Variants in PTPRM observed in about 807,000 individuals in gnomAD.
The protein encoded by PTPRM is receptor-type tyrosine-protein phosphatase mu.
In PTPRM, 47 loss-of-function variants were observed where a neutral mutation model predicts 186.7. That is an observed-to-expected ratio of 0.25 (90% CI 0.20 to 0.32). The LOEUF is 0.32. Among genes scored for constraint, PTPRM ranks in the 10% least tolerant of loss-of-function variants. PTPRM has a pLI of 1.00. For missense variants in PTPRM, 1,494 were observed against 1,865.0 expected (o/e 0.80, Z 3.66); for synonymous variants, 668 against 674.9 (o/e 0.99, Z 0.16).
intron 7 of PTPRM, among the ~76,000 whole-genome samples, chr18:7,978,569 C>T (rs963147885): frequency 3.9e-5 from 6 of 152,162 alleles, no homozygotes; most frequent in African/African-American, 1.4e-4. Context: ...GTGAGCCTGC[C>T]ATGCTAACTT....
chr18:8,096,831 C>G (rs966094820), intron 11 of PTPRM, among the ~76,000 whole-genome samples: 1 of 152,162 alleles, frequency 6.6e-6, no homozygotes, highest in East Asian at 1.9e-4. Context: ...ACTATAGATG[C>G]CTCACTTTCA....
Position 8,085,520 on chromosome 18 carries a change from A to C in PTPRM, c.1552-151A>C. 3 of 682,682 alleles carry C rather than the reference A, an allele frequency of 4.4e-6. No homozygotes were observed. In the South Asian group the frequency reaches 5.7e-5, roughly 13 times the overall value. The allele number at this position is 682,682 out of a possible 1,614,324, so 42.3% of individuals were successfully genotyped here. On this transcript the variant is annotated intron_variant, in intron 9 of 32. Coordinates refer to ENST00000580170, the MANE Select transcript of PTPRM (RefSeq NM_001105244.2). ...TCAGCAGCTTTGGCGGAGTTCCTTCATCCCTTCAGTGGATTCAGGATTTCA... is the reference window on the plus strand; with the variant it reads ...TCAGCAGCTTTGGCGGAGTTCCTTCCTCCCTTCAGTGGATTCAGGATTTCA...
Position 8,172,778 on chromosome 18 carries a change from C to G in PTPRM, c.2300+28999C>G, listed in dbSNP as rs16952985. Among the ~76,000 whole-genome samples, 922 of 152,130 alleles carry G rather than the reference C, an allele frequency of 6.1e-3. 4 individuals are homozygous for G. Among genetic ancestry groups the G allele is most frequent in the African/African-American group, 0.021 (885 of 41,510 alleles). Reference sequence around the variant, plus strand: ...AAGAAAATTGCAGGGAAACCCAAATCTGTGGTCCTGATTCTGCTGTTGCTT... The same window carrying G: ...AAGAAAATTGCAGGGAAACCCAAATGTGTGGTCCTGATTCTGCTGTTGCTT... On this transcript the variant is annotated intron_variant, in intron 14 of 32. Coordinates refer to ENST00000580170, the MANE Select transcript of PTPRM (RefSeq NM_001105244.2).
intron 14 of PTPRM, among the ~76,000 whole-genome samples, chr18:8,237,774 G>T (rs7507039): frequency 0.25 from 37,864 of 151,942 alleles, 5,534 homozygotes; most frequent in African/African-American, 0.41. Flanking sequence ...ATTTGAGAAA[G>T]TCTTTGTTTT....
At chr18:8,087,064 C>G (rs1178099092) in intron 10 of PTPRM, among the ~76,000 whole-genome samples, 1 of 151,966 alleles carries the variant, frequency 6.6e-6, no homozygotes, top group Admixed American at 6.6e-5. Context: ...AATCTAGGTT[C>G]TAGTTATGAT....
rs547108075 is a variant in PTPRM at position 8,183,383 on chromosome 18, G to T, written c.2300+39604G>T. On this transcript the variant is annotated intron_variant, in intron 14 of 32. Coordinates refer to ENST00000580170, the MANE Select transcript of PTPRM (RefSeq NM_001105244.2). The stretch of plus-strand genomic sequence containing the variant: ...TGTTGCTCATAATATAATCAATCGG[G>T]AGAGACAAAAAAGAGGCAGGAAAGC... Among the ~76,000 whole-genome samples the T allele has an allele frequency of 2.0e-5, 3 of 152,126 alleles. No homozygotes were observed. The South Asian group carries it at 6.2e-4, about 32-fold the overall frequency.
chr18:8,112,228 T>C (rs1447848420), intron 11 of PTPRM, among the ~76,000 whole-genome samples: 1 of 152,248 alleles, frequency 6.6e-6, no homozygotes, highest in Non-Finnish European at 1.5e-5. Context: ...AACAATTGAT[T>C]TTTATTTAGA....
At chr18:8,047,459 A>G (rs960848857) in intron 7 of PTPRM, among the ~76,000 whole-genome samples, 1 of 152,210 alleles carries the variant, frequency 6.6e-6, no homozygotes, top group African/African-American at 2.4e-5. Flanking sequence ...ACCTACAAAA[A>G]TAGCAAATTT....
rs551687417 is a variant in PTPRM at position 7,919,733 on chromosome 18, G to A, written c.548-6835G>A. On this transcript the variant is annotated intron_variant, in intron 4 of 32. Transcript: ENST00000580170. Reference sequence around the variant, plus strand: ...TATAGACGTCAGTTATGACTATTTGGTGTAGCGTGTAGTTTAACTTTAATG... The same window carrying A: ...TATAGACGTCAGTTATGACTATTTGATGTAGCGTGTAGTTTAACTTTAATG... Among the ~76,000 whole-genome samples, 426 of 152,180 alleles carry A rather than the reference G, an allele frequency of 2.8e-3. 5 individuals are homozygous for A. Among genetic ancestry groups the A allele is most frequent in the African/African-American group, 9.8e-3 (406 of 41,544 alleles).
intron 14 of PTPRM, among the ~76,000 whole-genome samples, chr18:8,205,567 T>C (rs1224656499): frequency 6.6e-6 from 1 of 152,316 alleles, no homozygotes; most frequent in Non-Finnish European, 1.5e-5. Context: ...GTAATCCACA[T>C]ATAGTTATAT....
At chr18:7,576,477 A>T (rs2036689354) in intron 1 of PTPRM, among the ~76,000 whole-genome samples, 1 of 151,150 alleles carries the variant, frequency 6.6e-6, no homozygotes, top group African/African-American at 2.4e-5. Context: ...TGTTTTTTTG[A>T]TTTTTTTTTC....
intron 14 of PTPRM, among the ~76,000 whole-genome samples, chr18:8,223,626 T>C (rs2094180099): frequency 6.6e-6 from 1 of 152,126 alleles, no homozygotes; most frequent in African/African-American, 2.4e-5. Context: ...AGTTACATGA[T>C]TGAAAAAGAA....
chr18:7,887,502 C>T (rs1599296532), intron 2 of PTPRM, among the ~76,000 whole-genome samples: 1 of 152,260 alleles, frequency 6.6e-6, no homozygotes, highest in African/African-American at 2.4e-5. Context: ...GCAAGAGGAT[C>T]GTATTACATT....
intron 19 of PTPRM, among the ~76,000 whole-genome samples, chr18:8,253,923 C>CT (rs1455350641): frequency 6.6e-6 from 1 of 151,990 alleles, no homozygotes; most frequent in Non-Finnish European, 1.5e-5. Context: ...TTTTTTTTCC[C>CT]TTTTTTTCTT....
intron 16 of PTPRM, 67 bp from the exon 17 acceptor site, chr18:8,248,083 C>T: frequency 6.9e-7 from 1 of 1,438,972 alleles, no homozygotes; most frequent in East Asian, 2.3e-5. Context: ...GGTGGGCATT[C>T]ATCAATCATT....
intron 1 of PTPRM, among the ~76,000 whole-genome samples, chr18:7,693,125 G>A (rs2039769822): frequency 6.6e-6 from 1 of 152,180 alleles, no homozygotes; most frequent in African/African-American, 2.4e-5. Flanking sequence ...CTAGCAGGCC[G>A]AGTTGGACTG....
intron 22 of PTPRM, among the ~76,000 whole-genome samples, chr18:8,329,642 T>C (rs547445047): frequency 6.6e-6 from 1 of 152,362 alleles, no homozygotes; most frequent in South Asian, 2.1e-4. Flanking sequence ...CAAAGGTTTC[T>C]GTGCACCTGT....
chr18:7,947,156 A>G (rs2052587881), intron 5 of PTPRM, among the ~76,000 whole-genome samples: 1 of 152,200 alleles, frequency 6.6e-6, no homozygotes. Context: ...GTACTTTGAT[A>G]GCCGCTCTGC....
At chr18:7,955,517 C>G in intron 7 of PTPRM, 103 bp downstream of exon 7, 1 of 1,344,438 alleles carries the variant, frequency 7.4e-7, no homozygotes, top group South Asian at 1.4e-5. Flanking sequence ...CTAGCTCTAT[C>G]AAAACCTGCA....
Sources: allele counts gnomAD v4.1 joint callset (sites outside exome capture counted in the v4.1 genomes callset), GRCh38; gene constraint gnomAD v4.1.1; transcripts MANE v1.5; gene names NCBI Gene and HGNC (gene_info 2026-07-23, HGNC 2026-07-21).